Variants in SIL1 observed in about 807,000 individuals in gnomAD.
SIL1 encodes SIL1 nucleotide exchange factor.
Under a neutral mutation model 49.1 loss-of-function variants are expected in SIL1, and 40 were observed. That is an observed-to-expected ratio of 0.81 (90% CI 0.63 to 1.06). The LOEUF is 1.06. Ranked by LOEUF, SIL1 falls within the 50% of genes least tolerant of loss-of-function variation. The pLI is 0.00. For missense variants in SIL1, 500 were observed against 572.6 expected (o/e 0.87, Z 1.29); for synonymous variants, 253 against 250.8 (o/e 1.01, Z -0.08).
chr5:138,992,954 C>CT (rs1158290380), intron 7 of SIL1, among the ~76,000 whole-genome samples: 3 of 151,928 alleles, frequency 2.0e-5, no homozygotes, highest in Non-Finnish European at 4.4e-5. Flanking sequence ...AAAAGAGAAA[C>CT]TTTTTCTTTT....
chr5:138,984,670 C>A (rs1035794309), intron 7 of SIL1, among the ~76,000 whole-genome samples: 5 of 152,098 alleles, frequency 3.3e-5, no homozygotes, highest in Non-Finnish European at 7.4e-5. Flanking sequence ...CTTATGCATT[C>A]TTGAGGCCTG....
At chr5:139,056,630 A>G (rs1428688495) in intron 3 of SIL1, among the ~76,000 whole-genome samples, 68 of 126,570 alleles carry the variant, frequency 5.4e-4, no homozygotes, top group African/African-American at 6.6e-4. Flanking sequence ...CAGCCGCCCC[A>G]TCAAGGAGGG....
At chr5:139,166,949 C>T (rs1302745272) in intron 1 of SIL1, among the ~76,000 whole-genome samples, 1 of 152,176 alleles carries the variant, frequency 6.6e-6, no homozygotes, top group Non-Finnish European at 1.5e-5. Flanking sequence ...GCTGGGAATA[C>T]AGGCACCCAC....
intron 3 of SIL1, among the ~76,000 whole-genome samples, chr5:139,085,599 T>C (rs146897544): frequency 3.3e-5 from 5 of 151,548 alleles, no homozygotes; most frequent in Non-Finnish European, 5.9e-5. Flanking sequence ...AGGAAGGAGA[T>C]GCCCAAGTTT....
intron 7 of SIL1, among the ~76,000 whole-genome samples, chr5:138,966,521 A>C (rs1217146701): frequency 6.6e-6 from 1 of 151,796 alleles, no homozygotes; most frequent in African/African-American, 2.4e-5. Context: ...GGGGGTGGTG[A>C]CTTTCCAAAG....
chr5:139,061,092 C>G (rs1769577909), intron 3 of SIL1, among the ~76,000 whole-genome samples: 2 of 152,286 alleles, frequency 1.3e-5, no homozygotes, highest in East Asian at 3.9e-4. Context: ...AAACATATGG[C>G]CAGTTTGTAA....
At chr5:139,033,604 T>C (rs1285645266) in intron 5 of SIL1, among the ~76,000 whole-genome samples, 1 of 151,998 alleles carries the variant, frequency 6.6e-6, no homozygotes, top group East Asian at 1.9e-4. Flanking sequence ...CCCCTGAGAT[T>C]TCCTCTTTGA....
chr5:139,038,241 C>A (rs887789282), intron 5 of SIL1, among the ~76,000 whole-genome samples: 4 of 152,164 alleles, frequency 2.6e-5, no homozygotes, highest in African/African-American at 7.2e-5. Flanking sequence ...TTGTGATTGT[C>A]CTGGTTCTTG....
At chr5:139,152,646 A>G (rs954902047) in intron 1 of SIL1, among the ~76,000 whole-genome samples, 12 of 151,848 alleles carry the variant, frequency 7.9e-5, no homozygotes, top group African/African-American at 2.2e-4. Context: ...AAAAGAAAAA[A>G]AAAAAGAATG....
At chr5:139,021,066 T>C (rs1768514275) in intron 7 of SIL1, 105 bp downstream of exon 7, 1 of 1,506,972 alleles carries the variant, frequency 6.6e-7, no homozygotes, top group South Asian at 1.1e-5. Flanking sequence ...TTCATTGAGA[T>C]GACACTGAAA....
chr5:139,172,496 G>A (rs559188856), intron 1 of SIL1, among the ~76,000 whole-genome samples: 1 of 152,286 alleles, frequency 6.6e-6, no homozygotes, highest in South Asian at 2.1e-4. Flanking sequence ...AGCTGGGCAT[G>A]GTGGCAGGTG....
chr5:139,041,236 C>T (rs989087970), intron 5 of SIL1, among the ~76,000 whole-genome samples: 3 of 152,190 alleles, frequency 2.0e-5, no homozygotes, highest in African/African-American at 4.8e-5. Flanking sequence ...CACCAAGCCA[C>T]GTGCCCTCCC....
intron 1 of SIL1, among the ~76,000 whole-genome samples, chr5:139,144,513 T>C (rs1055637104): frequency 6.6e-6 from 1 of 152,218 alleles, no homozygotes; most frequent in African/African-American, 2.4e-5. Flanking sequence ...CACATCTCTA[T>C]AGTCAACTGA....
chr5:139,018,820 A>T (rs1768457606), intron 7 of SIL1, among the ~76,000 whole-genome samples: 1 of 152,286 alleles, frequency 6.6e-6, no homozygotes, highest in East Asian at 1.9e-4. Flanking sequence ...AGGTCATTGT[A>T]TATTATTTGA....
intron 3 of SIL1, among the ~76,000 whole-genome samples, chr5:139,088,183 G>A (rs1271288388): frequency 6.6e-6 from 1 of 152,224 alleles, no homozygotes; most frequent in Non-Finnish European, 1.5e-5. Context: ...TGCCCACAAT[G>A]ATTCTTTCAT....
intron 3 of SIL1, among the ~76,000 whole-genome samples, chr5:139,085,040 A>C (rs1360133801): frequency 1.3e-5 from 2 of 152,308 alleles, no homozygotes; most frequent in African/African-American, 2.4e-5. Context: ...ACAAATGTAC[A>C]TCCCAACAGT....
chr5:139,066,840 G>C (rs1450941790), intron 3 of SIL1, among the ~76,000 whole-genome samples: 1 of 151,996 alleles, frequency 6.6e-6, no homozygotes, highest in Non-Finnish European at 1.5e-5. Flanking sequence ...CTGGTACCTG[G>C]GACTACAAGC....
chr5:138,986,611 G>C (rs887803486), intron 7 of SIL1, among the ~76,000 whole-genome samples: 3 of 152,150 alleles, frequency 2.0e-5, no homozygotes, highest in Non-Finnish European at 2.9e-5. Context: ...GGCAGAATCA[G>C]CTCTAACTCT....
chr5:139,052,744 G>T (rs1477741859), intron 3 of SIL1, among the ~76,000 whole-genome samples: 1 of 152,090 alleles, frequency 6.6e-6, no homozygotes, highest in Admixed American at 6.5e-5. Context: ...TCCTGATAAA[G>T]TTGGGGTCAA....
Sources: gnomAD v4.1 joint callset for allele counts (sites outside exome capture counted in the v4.1 genomes callset) on GRCh38, gnomAD v4.1.1 for gene constraint, MANE v1.5 for transcripts, NCBI Gene and HGNC (gene_info 2026-07-23, HGNC 2026-07-21) for gene names.